TPP2: variants seen among roughly 807,000 people sequenced by gnomAD.
TPP2 encodes the protein tripeptidyl-peptidase 2.
A neutral mutation model predicts 155.9 loss-of-function variants in TPP2; 34 were observed. That is an observed-to-expected ratio of 0.22 (90% CI 0.17 to 0.29). TPP2 has a LOEUF of 0.29. Among genes scored for constraint, TPP2 ranks in the 10% least tolerant of loss-of-function variants. The pLI, the probability that TPP2 is intolerant of heterozygous loss-of-function variation, is 1.00. For synonymous variants in TPP2, 510 were observed against 529.4 expected (o/e 0.96, Z 0.50); for missense variants, 1,028 against 1,522.3 (o/e 0.68, Z 5.40).
At chr13:102,598,585 C>T (rs1285278284) in intron 1 of TPP2, among the ~76,000 whole-genome samples, 2 of 152,262 alleles carry the variant, frequency 1.3e-5, no homozygotes, top group Middle Eastern at 3.4e-3. Flanking sequence ...CAGCTATCAA[C>T]TCATTTGGGG....
intron 5 of TPP2, among the ~76,000 whole-genome samples, chr13:102,620,232 G>T (rs1482790539): frequency 6.6e-6 from 1 of 152,176 alleles, no homozygotes; most frequent in Non-Finnish European, 1.5e-5. Flanking sequence ...TGACTCACTT[G>T]TAGCAGTTTG....
At chr13:102,626,806 A>AT in intron 6 of TPP2, 1 of 360,064 alleles carries the variant, frequency 2.8e-6, no homozygotes, top group Non-Finnish European at 4.9e-6. Context: ...AATTTGAAAG[A>AT]TTTTTATATA....
chr13:102,678,152 A>G, intron 29 of TPP2, 75 bp from the exon 30 acceptor site: 7 of 1,411,954 alleles, frequency 5.0e-6, no homozygotes, highest in Non-Finnish European at 5.8e-6. Context: ...TATTTAATAC[A>G]GAATTTATTC....
intron 15 of TPP2, among the ~76,000 whole-genome samples, chr13:102,638,875 G>A (rs950549926): frequency 1.1e-4 from 16 of 152,180 alleles, no homozygotes; most frequent in African/African-American, 3.9e-4. Context: ...CCTTAAAATA[G>A]CAAACAATGC....
chr13:102,647,595 A>T (rs1247859907), intron 21 of TPP2, among the ~76,000 whole-genome samples: 2 of 152,200 alleles, frequency 1.3e-5, no homozygotes, highest in Admixed American at 6.5e-5. Flanking sequence ...ACTGGCCAGC[A>T]TAACTTTTGG....
At chr13:102,638,616 C>T (rs779426843) in intron 15 of TPP2, among the ~76,000 whole-genome samples, 13 of 152,174 alleles carry the variant, frequency 8.5e-5, no homozygotes, top group South Asian at 4.1e-4. Context: ...TCGTCTGACC[C>T]GATCCCACTG....
At chr13:102,630,069 T>A in intron 9 of TPP2, 27 bp from the exon 10 acceptor site, 1 of 1,600,194 alleles carries the variant, frequency 6.2e-7, no homozygotes, top group Non-Finnish European at 8.5e-7. Flanking sequence ...TTGTTTTCTT[T>A]TCTTAATGAT....
intron 16 of TPP2, among the ~76,000 whole-genome samples, chr13:102,641,834 A>G (rs1007480752): frequency 6.6e-6 from 1 of 152,180 alleles, no homozygotes; most frequent in African/African-American, 2.4e-5. Context: ...GGGTTGTACT[A>G]CACTCATTCA....
chr13:102,648,429 C>CGTGTGTGTGTGTGT (rs56934655), intron 21 of TPP2, among the ~76,000 whole-genome samples: 160 of 148,062 alleles, frequency 1.1e-3, no homozygotes, highest in Middle Eastern at 7.0e-3. Context: ...ATAAGTTACA[C>CGTGTGTGTGTGTGT]GTGTGTGTGT....
At chr13:102,670,676 A>G (rs1884915554) in intron 27 of TPP2, among the ~76,000 whole-genome samples, 1 of 152,190 alleles carries the variant, frequency 6.6e-6, no homozygotes, top group Non-Finnish European at 1.5e-5. Context: ...CTAGGGCTGT[A>G]TTGCCCTTTA....
In TPP2 at chr13:102,629,482, G is replaced by A; in HGVS notation, c.1017G>A (p.Gly339=). The change falls in exon 9 of 30, where the codon GGG becomes GGA. Residue 339 remains glycine, a splice_region_variant and synonymous_variant. Transcript: ENST00000376052. The part of the protein sequence containing the change: ...YGEATHWPNS[G]RICEVINEAV... ...TTCAAAGGAATTCTCTCTTTTTCAG[G>A]AGAATTTGTGAAGTAATTAATGAAG... The A allele has an allele frequency of 1.3e-6, 2 of 1,487,754 alleles. No homozygotes were observed. Among genetic ancestry groups the A allele is most frequent in the Non-Finnish European group, 1.8e-6 (2 of 1,125,510 alleles). The allele number at this position is 1,487,754 out of a possible 1,614,324, so 92.2% of individuals were successfully genotyped here.
chr13:102,641,920 C>T (rs1208682484), intron 16 of TPP2, among the ~76,000 whole-genome samples: 1 of 152,100 alleles, frequency 6.6e-6, no homozygotes, highest in Admixed American at 6.5e-5. Context: ...TAGACAAGGA[C>T]CCTGCTTCCA....
intron 1 of TPP2, among the ~76,000 whole-genome samples, chr13:102,599,933 A>G (rs1381265436): frequency 2.0e-5 from 3 of 151,292 alleles, no homozygotes; most frequent in Non-Finnish European, 4.4e-5. Context: ...TCTCCCTTCC[A>G]CCAGTCTTGT....
intron 6 of TPP2, among the ~76,000 whole-genome samples, chr13:102,625,310 G>A (rs886199612): frequency 6.6e-6 from 1 of 151,186 alleles, no homozygotes. Context: ...GACTGCAGGC[G>A]CCCACTACCA....
Position 102,627,055 on chromosome 13 carries a change from T to C in TPP2, c.828T>C (p.Phe276=), listed in dbSNP as rs199665537. 71 of 1,598,598 alleles carry C rather than the reference T, an allele frequency of 4.4e-5. No individual in the cohort carries two copies. The highest frequency in any genetic ancestry group is 4.4e-4 in the East Asian group (19 of 43,670). ...THVASIAAGH[F]PEEPERNGVA... ...TAGCTAGTATAGCTGCTGGACACTT[T>C]CCAGAAGAACCTGAACGGAATGGGG... The change falls in exon 7 of 30, where the codon TTT becomes TTC. Residue 276 remains phenylalanine, a synonymous_variant. Transcript: ENST00000376052.
chr13:102,657,030 C>CT (rs957078430), intron 24 of TPP2, 26 bp from the exon 25 acceptor site: 2 of 1,567,888 alleles, frequency 1.3e-6, no homozygotes, highest in Non-Finnish European at 1.7e-6. Context: ...GCATATTAAT[C>CT]TAAGAATCTC....
intron 29 of TPP2, 60 bp from the exon 30 acceptor site, chr13:102,678,167 T>A (rs530396697): frequency 6.7e-7 from 1 of 1,490,028 alleles, no homozygotes; most frequent in African/African-American, 1.4e-5. Context: ...TTATTCTAAA[T>A]ACTGAGCTTA....
intron 25 of TPP2, among the ~76,000 whole-genome samples, chr13:102,657,978 G>A (rs1883968684): frequency 6.6e-6 from 1 of 152,116 alleles, no homozygotes. Flanking sequence ...TATTAGTATA[G>A]CTTCTGACAG....
intron 2 of TPP2, among the ~76,000 whole-genome samples, chr13:102,610,969 T>C (rs1435599688): frequency 6.6e-6 from 1 of 152,216 alleles, no homozygotes; most frequent in Non-Finnish European, 1.5e-5. Context: ...TGCTTTTTTG[T>C]GTGTAGTTTT....
Sources: allele counts gnomAD v4.1 joint callset (sites outside exome capture counted in the v4.1 genomes callset), GRCh38; gene constraint gnomAD v4.1.1; transcripts MANE v1.5; gene names NCBI Gene and HGNC (gene_info 2026-07-23, HGNC 2026-07-21).